Variants in PROS1 observed in about 807,000 individuals in gnomAD.
PROS1 encodes the protein vitamin K-dependent protein S.
A neutral mutation model predicts 75.9 loss-of-function variants in PROS1; 29 were observed. That is an observed-to-expected ratio of 0.38 (90% CI 0.28 to 0.52). The LOEUF (loss-of-function observed/expected upper bound fraction) is 0.52, where lower values mean the gene tolerates loss of function less well. Ranked by LOEUF, PROS1 falls within the 20% of genes least tolerant of loss-of-function variation. PROS1 has a pLI of 0.83. For missense variants in PROS1, 680 were observed against 810.3 expected (o/e 0.84, Z 1.95); for synonymous variants, 245 against 280.6 (o/e 0.87, Z 1.27).
chr3:93,956,763 C>A (rs1709610079), intron 1 of PROS1, among the ~76,000 whole-genome samples: 1 of 152,100 alleles, frequency 6.6e-6, no homozygotes, highest in Admixed American at 6.5e-5. Flanking sequence ...TACATCCACT[C>A]CATCCACTCC....
At chr3:93,930,969 T>A (rs1709097013) in intron 1 of PROS1, among the ~76,000 whole-genome samples, 2 of 152,200 alleles carry the variant, frequency 1.3e-5, no homozygotes, top group Non-Finnish European at 2.9e-5. Context: ...GCTTCTGTCC[T>A]ACAGGAAAAT....
chr3:93,877,329 G>A, intron 13 of PROS1, 138 bp from the exon 14 acceptor site: 59 of 570,236 alleles, frequency 1.0e-4, no homozygotes, highest in South Asian at 2.0e-4. Flanking sequence ...TAAATTTAAG[G>A]GAAAAATCAC....
intron 1 of PROS1, among the ~76,000 whole-genome samples, chr3:93,946,604 T>C (rs555356006): frequency 6.6e-6 from 1 of 152,298 alleles, no homozygotes; most frequent in African/African-American, 2.4e-5. Flanking sequence ...GCTACTCATA[T>C]GTAGAAAGCT....
chr3:93,934,246 A>G (rs1368768159), intron 1 of PROS1, among the ~76,000 whole-genome samples: 2 of 151,982 alleles, frequency 1.3e-5, no homozygotes, highest in Admixed American at 6.6e-5. Flanking sequence ...AAATGGCTGT[A>G]TATTCAAAAA....
chr3:93,932,186 A>G (rs1259948687), intron 1 of PROS1, among the ~76,000 whole-genome samples: 1 of 152,248 alleles, frequency 6.6e-6, no homozygotes, highest in Non-Finnish European at 1.5e-5. Flanking sequence ...ATGACATATG[A>G]GCACATAAAT....
intron 12 of PROS1, among the ~76,000 whole-genome samples, 189 bp from the exon 13 acceptor site, chr3:93,879,503 T>C (rs1314618098): frequency 1.3e-5 from 2 of 152,186 alleles, no homozygotes; most frequent in Non-Finnish European, 2.9e-5. Context: ...GCAAGAAACA[T>C]GCAAATGGAG....
At chr3:93,894,904 A>T (rs573268299) in intron 9 of PROS1, among the ~76,000 whole-genome samples, 1 of 152,298 alleles carries the variant, frequency 6.6e-6, no homozygotes, top group East Asian at 1.9e-4. Flanking sequence ...TCTGGAAAAA[A>T]TAATTTGTCC....
intron 3 of PROS1, among the ~76,000 whole-genome samples, chr3:93,911,512 G>T (rs1708759206): frequency 6.6e-6 from 1 of 152,128 alleles, no homozygotes; most frequent in Admixed American, 6.5e-5. Context: ...AGTAATCATT[G>T]TATTTTTCTC....
chr3:93,898,699 T>A, intron 7 of PROS1, 130 bp from the exon 8 acceptor site: 1 of 1,024,402 alleles, frequency 9.8e-7, no homozygotes, highest in Non-Finnish European at 1.5e-6. Context: ...AGAAATACTA[T>A]GACATCAAAC....
intron 1 of PROS1, among the ~76,000 whole-genome samples, chr3:93,945,773 A>AT (rs1709383161): frequency 6.6e-6 from 1 of 151,962 alleles, no homozygotes; most frequent in South Asian, 2.1e-4. Flanking sequence ...CTCTCTCACC[A>AT]CTCCTATTCA....
chr3:93,886,540 A>G, intron 10 of PROS1, 37 bp from the exon 11 acceptor site: 2 of 1,474,016 alleles, frequency 1.4e-6, no homozygotes, highest in Non-Finnish European at 1.9e-6. Context: ...ATAACCAAGT[A>G]TTACTACATG....
intron 1 of PROS1, among the ~76,000 whole-genome samples, chr3:93,951,051 A>G (rs1709487004): frequency 6.6e-6 from 1 of 152,234 alleles, no homozygotes; most frequent in South Asian, 2.1e-4. Context: ...GAGAAAAAAG[A>G]GTAAAAATAA....
intron 1 of PROS1, among the ~76,000 whole-genome samples, chr3:93,964,914 C>T (rs1017043199): frequency 6.6e-6 from 1 of 152,162 alleles, no homozygotes; most frequent in Non-Finnish European, 1.5e-5. Context: ...AGGGCAGGTT[C>T]GGATTTCCTA....
intron 7 of PROS1, 86 bp downstream of exon 7, chr3:93,900,718 T>C: frequency 6.4e-7 from 1 of 1,568,588 alleles, no homozygotes; most frequent in Non-Finnish European, 8.7e-7. Flanking sequence ...ACTGTTGATG[T>C]CAAACAAAGC....
At chr3:93,921,321 C>T (rs1022476894) in intron 3 of PROS1, among the ~76,000 whole-genome samples, 10 of 152,144 alleles carry the variant, frequency 6.6e-5, no homozygotes, top group African/African-American at 2.2e-4. Flanking sequence ...TGCTATTTTT[C>T]TTTTCTTTTA....
intron 1 of PROS1, among the ~76,000 whole-genome samples, chr3:93,956,962 C>T (rs1338559312): frequency 6.6e-6 from 1 of 152,016 alleles, no homozygotes; most frequent in Admixed American, 6.6e-5. Flanking sequence ...TATAGACATT[C>T]AGCTAACAAT....
At chr3:93,939,811 C>A (rs1212577391) in intron 1 of PROS1, among the ~76,000 whole-genome samples, 2 of 152,116 alleles carry the variant, frequency 1.3e-5, no homozygotes, top group African/African-American at 4.8e-5. Context: ...CATTTTATTA[C>A]CCAATCCGCT....
chr3:93,929,091 T>C (rs773960568), intron 1 of PROS1, among the ~76,000 whole-genome samples: 11 of 152,262 alleles, frequency 7.2e-5, no homozygotes, highest in Non-Finnish European at 1.5e-4. Context: ...AAGTATGTCC[T>C]ACATATATGC....
At chr3:93,928,780 T>A in intron 1 of PROS1, 1 of 1,275,738 alleles carries the variant, frequency 7.8e-7, no homozygotes, top group Non-Finnish European at 1.0e-6. Context: ...ATAAAATCAT[T>A]TCTAAAATAT....
Sources: allele counts gnomAD v4.1 joint callset (sites outside exome capture counted in the v4.1 genomes callset), GRCh38; gene constraint gnomAD v4.1.1; transcripts MANE v1.5; gene names NCBI Gene and HGNC (gene_info 2026-07-23, HGNC 2026-07-21).